Variants in SPIDR observed in about 807,000 individuals in gnomAD.
SPIDR encodes the protein DNA repair-scaffolding protein.
Under a neutral mutation model 104.6 loss-of-function variants are expected in SPIDR, and 93 were observed. The observed-to-expected ratio is 0.89, with a 90% confidence interval of 0.75 to 1.06. SPIDR has a LOEUF of 1.06. Ranked by LOEUF, SPIDR falls within the 50% of genes least tolerant of loss-of-function variation. The pLI, the probability that SPIDR is intolerant of heterozygous loss-of-function variation, is 0.00. For missense variants in SPIDR, 1,154 were observed against 1,111.2 expected, an observed-to-expected ratio of 1.04 and a Z score of -0.55; for synonymous variants, 431 against 416.9, an observed-to-expected ratio of 1.03 and a Z score of -0.41.
intron 16 of SPIDR, among the ~76,000 whole-genome samples, chr8:47,717,581 G>T (rs1435326226): frequency 6.6e-6 from 1 of 152,178 alleles, no homozygotes; most frequent in Non-Finnish European, 1.5e-5. Flanking sequence ...AGGCCTGCCT[G>T]TTGGTACACT....
At chr8:47,368,057 T>G (rs1224290255) in intron 5 of SPIDR, among the ~76,000 whole-genome samples, 1 of 151,918 alleles carries the variant, frequency 6.6e-6, no homozygotes, top group Non-Finnish European at 1.5e-5. Context: ...TGTCAGCAGA[T>G]TTGGTGTCTG....
intron 5 of SPIDR, among the ~76,000 whole-genome samples, chr8:47,383,775 A>C (rs2059586976): frequency 6.6e-6 from 1 of 152,200 alleles, no homozygotes; most frequent in African/African-American, 2.4e-5. Context: ...TTAGAAAATT[A>C]TTTTTATAAG....
At chr8:47,357,392 A>G (rs1240735457) in intron 5 of SPIDR, among the ~76,000 whole-genome samples, 1 of 152,200 alleles carries the variant, frequency 6.6e-6, no homozygotes, top group Non-Finnish European at 1.5e-5. Flanking sequence ...GGGAGATGGC[A>G]GCACTCTGCC....
At chr8:47,463,876 C>T (rs1039010380) in intron 8 of SPIDR, among the ~76,000 whole-genome samples, 5 of 152,134 alleles carry the variant, frequency 3.3e-5, no homozygotes, top group African/African-American at 9.7e-5. Context: ...TAACATACAG[C>T]AGTTATGAAA....
chr8:47,638,125 CTGTTT>C (rs905445153), intron 10 of SPIDR, among the ~76,000 whole-genome samples: 7 of 151,724 alleles, frequency 4.6e-5, no homozygotes, highest in South Asian at 2.1e-4. Context: ...TTTGAGTGTT[CTGTTT>C]TGTTTTGTTT....
chr8:47,464,711 C>T (rs1393843829), intron 8 of SPIDR, among the ~76,000 whole-genome samples: 1 of 152,012 alleles, frequency 6.6e-6, no homozygotes, highest in Non-Finnish European at 1.5e-5. Flanking sequence ...CCCTCCTGTC[C>T]CATCCCATCC....
At chr8:47,478,564 G>C (rs2076535658) in intron 8 of SPIDR, among the ~76,000 whole-genome samples, 1 of 152,152 alleles carries the variant, frequency 6.6e-6, no homozygotes, top group African/African-American at 2.4e-5. Context: ...ACACAGCACT[G>C]GGGAGCCCCT....
At position 47,512,732 on chromosome 8, in the gene SPIDR, A is replaced by G. The variant is rs1014959004; in HGVS notation, c.1097+72190A>G. ...GGACAGCAGCTTCCAAAGAAGAAAA[A>G]AAGAGAGGAGGAAAAGGACAGTTTA... On this transcript the variant is annotated intron_variant, in intron 8 of 19. Transcript: ENST00000297423. 3.9e-5 allele frequency among the ~76,000 whole-genome samples: 6 copies of G among 152,200 alleles called. No homozygotes were observed. In the East Asian group the frequency reaches 7.7e-4, roughly 20 times the overall value.
At chr8:47,299,013 G>A in intron 5 of SPIDR, among the ~76,000 whole-genome samples, 1 of 152,118 alleles carries the variant, frequency 6.6e-6, no homozygotes, top group Non-Finnish European at 1.5e-5. Flanking sequence ...AGCTTGATGG[G>A]GATGGCATTG....
intron 8 of SPIDR, among the ~76,000 whole-genome samples, chr8:47,450,877 T>C (rs556491358): frequency 4.6e-4 from 70 of 152,308 alleles, no homozygotes; most frequent in Middle Eastern, 6.8e-3. Flanking sequence ...TAAAGTATAA[T>C]TTGGAAAAAT....
intron 7 of SPIDR, among the ~76,000 whole-genome samples, chr8:47,415,684 CAG>C (rs2064158233): frequency 6.6e-6 from 1 of 152,186 alleles, no homozygotes; most frequent in African/African-American, 2.4e-5. Flanking sequence ...TCACTAGGCA[CAG>C]AGTCTGCCAG....
chr8:47,396,967 GAGAT>G (rs1446577476), intron 6 of SPIDR, among the ~76,000 whole-genome samples: 1 of 152,114 alleles, frequency 6.6e-6, no homozygotes, highest in Non-Finnish European at 1.5e-5. Flanking sequence ...TTTTATGAGA[GAGAT>G]CTGCCAGGGC....
intron 8 of SPIDR, among the ~76,000 whole-genome samples, chr8:47,550,796 C>G (rs902209254): frequency 1.3e-5 from 2 of 152,172 alleles, no homozygotes; most frequent in Non-Finnish European, 2.9e-5. Context: ...CCAGAACTTC[C>G]AACACTATAT....
chr8:47,339,005 T>A (rs1326879071), intron 5 of SPIDR, among the ~76,000 whole-genome samples: 2 of 152,208 alleles, frequency 1.3e-5, no homozygotes, highest in African/African-American at 4.8e-5. Flanking sequence ...TAGATAAAAG[T>A]ACTACTTAGA....
At chr8:47,490,818 G>A (rs2078573370) in intron 8 of SPIDR, among the ~76,000 whole-genome samples, 1 of 152,160 alleles carries the variant, frequency 6.6e-6, no homozygotes. Context: ...GACACAGGAA[G>A]GGGAACATCA....
At chr8:47,376,903 C>CAA (rs1368581402) in intron 5 of SPIDR, among the ~76,000 whole-genome samples, 3 of 152,164 alleles carry the variant, frequency 2.0e-5, no homozygotes, top group African/African-American at 7.2e-5. Flanking sequence ...TCTGGCCTAT[C>CAA]ACCTGTCTCC....
At chr8:47,574,853 G>A (rs1257905155) in intron 8 of SPIDR, among the ~76,000 whole-genome samples, 1 of 152,104 alleles carries the variant, frequency 6.6e-6, no homozygotes, top group Non-Finnish European at 1.5e-5. Context: ...ACCATTACTA[G>A]AATTCCTTTT....
intron 10 of SPIDR, among the ~76,000 whole-genome samples, chr8:47,623,285 C>T (rs1252175505): frequency 6.6e-6 from 1 of 152,080 alleles, no homozygotes; most frequent in Non-Finnish European, 1.5e-5. Flanking sequence ...CAAAAACATG[C>T]CAAATTGTAA....
intron 5 of SPIDR, among the ~76,000 whole-genome samples, chr8:47,345,469 C>T (rs533306966): frequency 3.3e-5 from 5 of 152,222 alleles, no homozygotes; most frequent in South Asian, 2.1e-4. Flanking sequence ...TCCATATGAA[C>T]GCTAAAACAC....
Sources: gnomAD v4.1 joint callset for allele counts (sites outside exome capture counted in the v4.1 genomes callset) on GRCh38, gnomAD v4.1.1 for gene constraint, MANE v1.5 for transcripts, NCBI Gene and HGNC (gene_info 2026-07-23, HGNC 2026-07-21) for gene names.